FBXO33: variants seen among roughly 807,000 people sequenced by gnomAD.
FBXO33 encodes F-box only protein 33.
Under a neutral mutation model 46.3 loss-of-function variants are expected in FBXO33, and 22 were observed. The observed-to-expected ratio is 0.48, with a 90% CI of 0.34 to 0.68. The LOEUF (loss-of-function observed/expected upper bound fraction) is 0.68. Among genes scored for constraint, FBXO33 ranks in the 30% least tolerant of loss-of-function variants. The probability of loss-of-function intolerance (pLI) is 0.01; values close to 1 mark genes in which losing one functional copy is unlikely to be tolerated. For missense variants in FBXO33, 692 were observed against 708.8 expected (o/e 0.98, Z 0.27); for synonymous variants, 337 against 291.3 (o/e 1.16, Z -1.60).
chr14:39,408,090 G>A (rs997785960), intron 1 of FBXO33, among the ~76,000 whole-genome samples: 6 of 151,946 alleles, frequency 3.9e-5, no homozygotes, highest in Non-Finnish European at 8.8e-5. Context: ...ACAGGTGTGC[G>A]CCACCATGCC....
chr14:39,415,212 C>G (rs969670886), intron 1 of FBXO33, among the ~76,000 whole-genome samples: 1 of 152,146 alleles, frequency 6.6e-6, no homozygotes, highest in African/African-American at 2.4e-5. Context: ...AGGTGAGGAT[C>G]TCTTTAGCCC....
intron 1 of FBXO33, among the ~76,000 whole-genome samples, chr14:39,422,026 G>A (rs2075487719): frequency 6.6e-6 from 1 of 152,182 alleles, no homozygotes; most frequent in South Asian, 2.1e-4. Flanking sequence ...GTGAGGCTGA[G>A]GCAGGTGGAT....
chr14:39,429,022 A>C (rs2075530164), intron 1 of FBXO33, among the ~76,000 whole-genome samples: 2 of 152,192 alleles, frequency 1.3e-5, no homozygotes, highest in African/African-American at 4.8e-5. Flanking sequence ...TTGTTCCTAA[A>C]ACCTAAGATA....
intron 3 of FBXO33, 25 bp from the exon 4 acceptor site, chr14:39,399,812 CTG>C (rs1477276428): frequency 1.3e-6 from 2 of 1,491,464 alleles, no homozygotes; most frequent in African/African-American, 1.4e-5. Flanking sequence ...AAAGACAACA[CTG>C]TAATTTCCTT....
intron 1 of FBXO33, among the ~76,000 whole-genome samples, chr14:39,421,277 G>C (rs1161237912): frequency 2.6e-5 from 4 of 152,216 alleles, no homozygotes; most frequent in Non-Finnish European, 4.4e-5. Context: ...TTAAAAGGTA[G>C]CCCAACTCTG....
At chr14:39,404,593 T>C (rs147773159) in intron 1 of FBXO33, among the ~76,000 whole-genome samples, 5,412 of 152,222 alleles carry the variant, frequency 0.036, 144 homozygotes, top group Non-Finnish European at 0.057. Context: ...CCCAAAGTGC[T>C]GGGATTACAG....
intron 1 of FBXO33, among the ~76,000 whole-genome samples, chr14:39,429,777 C>T (rs536773390): frequency 1.3e-5 from 2 of 152,234 alleles, no homozygotes; most frequent in African/African-American, 4.8e-5. Context: ...ATAGCTGACC[C>T]AGAAGGGCAG....
intron 1 of FBXO33, among the ~76,000 whole-genome samples, chr14:39,418,581 C>A (rs1212173538): frequency 6.6e-6 from 1 of 150,534 alleles, no homozygotes; most frequent in African/African-American, 2.4e-5. Flanking sequence ...TGAGACCATC[C>A]TGGCTAACAA....
intron 1 of FBXO33, among the ~76,000 whole-genome samples, chr14:39,419,445 A>G (rs141528767): frequency 1.3e-5 from 2 of 152,358 alleles, no homozygotes; most frequent in African/African-American, 4.8e-5. Flanking sequence ...AGGAAACTGC[A>G]TATAGCCTCT....
intron 1 of FBXO33, among the ~76,000 whole-genome samples, chr14:39,422,615 G>A (rs868645721): frequency 5.8e-4 from 89 of 152,290 alleles, no homozygotes; most frequent in African/African-American, 1.9e-3. Flanking sequence ...TTTCCATGCT[G>A]TGTCTTTTTC....
chr14:39,416,855 A>G (rs1219245622), intron 1 of FBXO33, among the ~76,000 whole-genome samples: 1 of 152,106 alleles, frequency 6.6e-6, no homozygotes, highest in Non-Finnish European at 1.5e-5. Context: ...TGGTTACTAA[A>G]GAATTATTTT....
chr14:39,421,878 G>A (rs1052741027), intron 1 of FBXO33, among the ~76,000 whole-genome samples: 1 of 151,922 alleles, frequency 6.6e-6, no homozygotes, highest in Admixed American at 6.6e-5. Context: ...TGTATTTAGG[G>A]AATAGCAATT....
chr14:39,405,388 G>A (rs2075390659), intron 1 of FBXO33, among the ~76,000 whole-genome samples: 1 of 151,968 alleles, frequency 6.6e-6, no homozygotes, highest in African/African-American at 2.4e-5. Context: ...GGGGGTGAGG[G>A]GACAGTAGGC....
In FBXO33 at chr14:39,399,514, A is replaced by T; in HGVS notation, c.*2T>A. On this transcript the variant is annotated 3_prime_UTR_variant, in exon 4 of 4. Coordinates refer to ENST00000298097, the MANE Select transcript of FBXO33 (RefSeq NM_203301.4). ...CCACAGGAATTCTACATTAAAAAAA[A>T]GCTAAATGTCTTCACTGAAGCTTTG... 1.9e-6 allele frequency: 3 copies of T among 1,603,796 alleles called. No homozygotes were observed. The highest frequency in any genetic ancestry group is 1.7e-6 in the Non-Finnish European group (2 of 1,173,828).
Position 39,403,490 on chromosome 14 carries a change from G to A in FBXO33, c.600-979C>T, listed in dbSNP as rs1044430535. Among the ~76,000 whole-genome samples the A allele has an allele frequency of 5.9e-5, 9 of 152,178 alleles. 1 individual carries two copies. Among genetic ancestry groups the A allele is most frequent in the East Asian group, 1.9e-4 (1 of 5,190 alleles). On this transcript the variant is annotated intron_variant, in intron 1 of 3. Coordinates refer to ENST00000298097, the MANE Select transcript of FBXO33 (RefSeq NM_203301.4). Reference sequence around the variant, plus strand: ...ACATGCCTGGAATCCCAGCTGAACTGGGAGGCGGAGGTTGCAGTGAGCCAA... The same window carrying A: ...ACATGCCTGGAATCCCAGCTGAACTAGGAGGCGGAGGTTGCAGTGAGCCAA...
chr14:39,401,682 A>G lies in FBXO33; in HGVS notation c.890T>C (p.Ile297Thr), dbSNP rs114177972. Residue 297 changes from isoleucine to threonine, a missense_variant, in exon 3 of 4, where the codon ATT becomes ACT. This residue lies in a region of FBXO33 where 186 missense variants were observed against 246.1 expected (regional missense o/e 0.76). Transcript: ENST00000298097. ...DNNIPGNSTL[I>T]TAVELERFVN... Reference sequence around the variant, plus strand: ...AAATCGCTCCAGTTCAACTGCAGTAATAAGAGTGCTGTTACCAGGAATATT... The same window carrying G: ...AAATCGCTCCAGTTCAACTGCAGTAGTAAGAGTGCTGTTACCAGGAATATT... 357 of 1,614,242 alleles carry G rather than the reference A, an allele frequency of 2.2e-4. No individual in the cohort carries two copies. Among genetic ancestry groups the G allele is most frequent in the Non-Finnish European group, 2.8e-4 (328 of 1,180,046 alleles).
At chr14:39,412,061 G>A (rs2075425892) in intron 1 of FBXO33, among the ~76,000 whole-genome samples, 1 of 152,162 alleles carries the variant, frequency 6.6e-6, no homozygotes, top group African/African-American at 2.4e-5. Flanking sequence ...TTCTGTATAT[G>A]TCTGTTAGGT....
At chr14:39,416,272 C>G (rs1304861068) in intron 1 of FBXO33, among the ~76,000 whole-genome samples, 3 of 148,036 alleles carry the variant, frequency 2.0e-5, no homozygotes, top group African/African-American at 7.5e-5. Flanking sequence ...TTTTTCTTTT[C>G]TTTCAGCGCT....
At chr14:39,411,716 T>A (rs34785385) in intron 1 of FBXO33, among the ~76,000 whole-genome samples, 35,661 of 152,028 alleles carry the variant, frequency 0.23, 5,611 homozygotes, top group Non-Finnish European at 0.36. Context: ...AGAGACAGGG[T>A]TTCACAATGT....
Sources: allele counts gnomAD v4.1 joint callset (sites outside exome capture counted in the v4.1 genomes callset), GRCh38; gene constraint gnomAD v4.1.1; regional missense constraint gnomAD v4.1.1; transcripts MANE v1.5; gene names NCBI Gene and HGNC (gene_info 2026-07-23, HGNC 2026-07-21).